The following OPCML variants were observed in gnomAD, a reference collection of about 807,000 sequenced individuals.
OPCML encodes opioid-binding protein/cell adhesion molecule.
A neutral mutation model predicts 37.8 loss-of-function variants in OPCML; 13 were observed. That is an observed-to-expected ratio of 0.34 (90% CI 0.22 to 0.55). The LOEUF (loss-of-function observed/expected upper bound fraction) is 0.55, where lower values mean the gene tolerates loss of function less well. Ranked by LOEUF, OPCML falls within the 20% of genes least tolerant of loss-of-function variation. The pLI is 0.91. For missense variants in OPCML, 341 were observed against 435.6 expected (o/e 0.78, Z 1.93); for synonymous variants, 176 against 168.8 (o/e 1.04, Z -0.33).
intron 1 of OPCML, among the ~76,000 whole-genome samples, chr11:133,402,664 C>A (rs532669581): frequency 6.6e-6 from 1 of 152,284 alleles, no homozygotes; most frequent in South Asian, 2.1e-4. Flanking sequence ...TATGGCCAGA[C>A]CAAGACAGAA....
rs1250610293 is a variant in OPCML, at chr11:133,204,850, TTA to T, written c.62-261842_62-261841del. On this transcript the variant is annotated intron_variant, in intron 1 of 7. Coordinates refer to ENST00000524381, the MANE Select transcript of OPCML (RefSeq NM_001012393.5). ...TTACTTTTTGTATTATTGTGATCTA[TTA>T]TATATATATATATGTGTATATATAT... 2.4e-4 allele frequency among the ~76,000 whole-genome samples: 30 copies of T among 123,612 alleles called. 1 individual carries two copies. The East Asian group carries it at 3.1e-3, about 13-fold the overall frequency. The allele number at this position is 123,612 out of a possible 152,430, so 81.1% of individuals were successfully genotyped here. A position where few individuals can be genotyped will look rare whatever the true frequency, so the allele number is the denominator to read the frequency against.
chr11:132,419,031 T>C lies in OPCML; in HGVS notation c.*1162A>G, dbSNP rs1239433526. 1 of 152,670 alleles carries C rather than the reference T, an allele frequency of 6.6e-6. No individual in the cohort carries two copies. Among genetic ancestry groups the C allele is most frequent in the Non-Finnish European group, 1.5e-5 (1 of 68,038 alleles). 9.5% of individuals were successfully genotyped at this position (152,670 alleles called of 1,614,324 possible). A position where few individuals can be genotyped will look rare whatever the true frequency, so the allele number is the denominator to read the frequency against. On this transcript the variant is annotated 3_prime_UTR_variant, in exon 8 of 8. Transcript: ENST00000524381. ...CCTATCTGTTAGTGTCTCCCTTGGG[T>C]GGATAGGATACCAGATTTTAAAGAG...
intron 1 of OPCML, among the ~76,000 whole-genome samples, chr11:133,268,536 G>A (rs1941725779): frequency 6.6e-6 from 1 of 152,142 alleles, no homozygotes; most frequent in Non-Finnish European, 1.5e-5. Context: ...ATGAATGCTA[G>A]GAAGCCATAG....
At chr11:132,844,460 T>C (rs1465352323) in intron 2 of OPCML, among the ~76,000 whole-genome samples, 1 of 152,150 alleles carries the variant, frequency 6.6e-6, no homozygotes, top group African/African-American at 2.4e-5. Context: ...ATTTGTATTA[T>C]GTAGGGAATG....
At position 133,270,367 on chromosome 11, in the gene OPCML, GA is replaced by G. The variant is rs368741711; in HGVS notation, c.61+261896del. On this transcript the variant is annotated intron_variant, in intron 1 of 7. Transcript: ENST00000524381. The stretch of plus-strand genomic sequence containing the variant: ...TAAAATATCACACAGTTGGGACAAA[GA>G]AAAAAAAAACCATCTCTTTGTTCAT... Among the ~76,000 whole-genome samples the G allele has an allele frequency of 4.7e-3, 692 of 147,088 alleles. 3 individuals are homozygous for G. Among genetic ancestry groups the G allele is most frequent in the African/African-American group, 0.015 (609 of 40,198 alleles).
intron 4 of OPCML, among the ~76,000 whole-genome samples, chr11:132,495,410 T>C (rs1296684131): frequency 6.6e-6 from 1 of 152,150 alleles, no homozygotes; most frequent in Non-Finnish European, 1.5e-5. Flanking sequence ...TGCTCAGAAA[T>C]CAAACTTGAA....
chr11:132,707,884 A>C (rs758023898), intron 2 of OPCML, among the ~76,000 whole-genome samples: 3 of 152,188 alleles, frequency 2.0e-5, no homozygotes, highest in African/African-American at 2.4e-5. Context: ...AATTATAACC[A>C]TTGAGCCTGA....
intron 1 of OPCML, among the ~76,000 whole-genome samples, chr11:133,201,749 G>C (rs999016776): frequency 2.6e-5 from 4 of 152,192 alleles, no homozygotes; most frequent in Admixed American, 6.5e-5. Flanking sequence ...CTCATGCTGT[G>C]TCTCCAGCTC....
intron 1 of OPCML, among the ~76,000 whole-genome samples, chr11:133,158,997 G>C (rs1950106406): frequency 1.3e-5 from 2 of 152,090 alleles, no homozygotes; most frequent in Non-Finnish European, 2.9e-5. Flanking sequence ...TTCATCACAG[G>C]CTTGTTAATA....
intron 3 of OPCML, among the ~76,000 whole-genome samples, chr11:132,642,964 C>G (rs1206391740): frequency 6.6e-6 from 1 of 152,054 alleles, no homozygotes; most frequent in Non-Finnish European, 1.5e-5. Flanking sequence ...AAAATGCAAG[C>G]CCAACCCTCA....
intron 1 of OPCML, among the ~76,000 whole-genome samples, chr11:133,509,999 G>A (rs1049374180): frequency 1.3e-5 from 2 of 152,152 alleles, no homozygotes; most frequent in Non-Finnish European, 2.9e-5. Flanking sequence ...AAAGTAGTGA[G>A]GCCATGTGGG....
intron 2 of OPCML, among the ~76,000 whole-genome samples, chr11:132,753,235 C>A (rs941883596): frequency 1.3e-5 from 2 of 152,126 alleles, no homozygotes; most frequent in African/African-American, 4.8e-5. Context: ...ATTCTCCCAG[C>A]ACTCTGTACT....
At chr11:133,457,532 A>G (rs1273480365) in intron 1 of OPCML, among the ~76,000 whole-genome samples, 2 of 151,996 alleles carry the variant, frequency 1.3e-5, no homozygotes, top group African/African-American at 4.8e-5. Flanking sequence ...GAATGAGACC[A>G]TATATCTATG....
At chr11:133,265,268 A>G (rs1941622823) in intron 1 of OPCML, among the ~76,000 whole-genome samples, 1 of 152,218 alleles carries the variant, frequency 6.6e-6, no homozygotes, top group South Asian at 2.1e-4. Flanking sequence ...TGGTGAATCA[A>G]CTAGCAATGT....
At chr11:133,449,351 T>C (rs1392761659) in intron 1 of OPCML, among the ~76,000 whole-genome samples, 1 of 152,232 alleles carries the variant, frequency 6.6e-6, no homozygotes, top group African/African-American at 2.4e-5. Flanking sequence ...AGGCAATGTG[T>C]AAATGAATGG....
At chr11:132,727,306 G>C (rs1480919951) in intron 2 of OPCML, among the ~76,000 whole-genome samples, 1 of 152,126 alleles carries the variant, frequency 6.6e-6, no homozygotes, top group African/African-American at 2.4e-5. Flanking sequence ...GTGATCTGAC[G>C]TTTCACCTGT....
intron 2 of OPCML, among the ~76,000 whole-genome samples, chr11:132,755,661 C>T (rs905360608): frequency 1.3e-5 from 2 of 152,122 alleles, no homozygotes; most frequent in Non-Finnish European, 2.9e-5. Flanking sequence ...TCAAAGTCTG[C>T]TCATATTTTT....
chr11:133,222,060 G>A (rs1347665953), intron 1 of OPCML, among the ~76,000 whole-genome samples: 1 of 152,186 alleles, frequency 6.6e-6, no homozygotes, highest in Non-Finnish European at 1.5e-5. Flanking sequence ...TAATCGGACA[G>A]GCTTCAGAAT....
chr11:132,992,963 A>T (rs995748728), intron 1 of OPCML, among the ~76,000 whole-genome samples: 2 of 152,084 alleles, frequency 1.3e-5, no homozygotes, highest in Non-Finnish European at 2.9e-5. Flanking sequence ...TTGCTCTTTC[A>T]TCTCCGTGTA....
Sources: allele counts gnomAD v4.1 joint callset (sites outside exome capture counted in the v4.1 genomes callset), GRCh38; gene constraint gnomAD v4.1.1; transcripts MANE v1.5; gene names NCBI Gene and HGNC (gene_info 2026-07-23, HGNC 2026-07-21).